LMF2: variants seen among roughly 807,000 people sequenced by gnomAD.
The protein encoded by LMF2 is transmembrane protein 112B.
Under a neutral mutation model 81.5 loss-of-function variants are expected in LMF2, and 113 were observed. The ratio of observed to expected loss-of-function variants is 1.39; its 90% CI spans 1.19 to 1.62. The LOEUF (loss-of-function observed/expected upper bound fraction) is 1.62. Ranked by LOEUF, LMF2 falls within the 40% of genes most tolerant of loss-of-function variation. The pLI is 0.00. For missense variants in LMF2, 1,235 were observed against 929.1 expected (o/e 1.33, Z -4.28); for synonymous variants, 645 against 424.5 (o/e 1.52, Z -6.39).
chr22:50,506,869 T>C lies in LMF2; in HGVS notation c.261A>G (p.Leu87=). 1 of 1,591,600 alleles carries C rather than the reference T, an allele frequency of 6.3e-7. No homozygotes were observed. The highest frequency in any genetic ancestry group is 8.6e-7 in the Non-Finnish European group (1 of 1,169,546). The change falls in exon 2 of 14, where the codon CTA becomes CTG. Residue 87 remains leucine, a synonymous_variant. Coordinates refer to ENST00000474879, the MANE Select transcript of LMF2 (RefSeq NM_033200.3). The part of the protein sequence containing the change: ...GLELLSLLGA[L]VALGALLLSP... ...TCAGCAGCAGGGCTCCCAGGGCCAC[T>C]AGTGCACCCAGCAGGCTCAGCAGCT...
Position 50,506,155 on chromosome 22 carries a change from G to C in LMF2, c.654C>G (p.His218Gln). ...GCTTGTGCAGCCAGACCGGCAGGTGGTGTGCGAACCAGGCGGCGGGCGTGG... is the reference window on the plus strand; with the variant it reads ...GCTTGTGCAGCCAGACCGGCAGGTGCTGTGCGAACCAGGCGGCGGGCGTGG... ...CLPTPAAWFAHHLPVWLHKLS... is the reference protein window; with the variant it reads ...CLPTPAAWFAQHLPVWLHKLS... Residue 218 changes from histidine (H) to glutamine (Q), a missense_variant, in exon 5 of 14, where the codon CAC becomes CAG. His to Gln is a conservative substitution (Grantham distance 24). Transcript: ENST00000474879. The C allele has an allele frequency of 6.4e-7, 1 of 1,569,584 alleles. No homozygotes were observed.
Position 50,504,906 on chromosome 22 carries a change from G to A in LMF2, c.1333C>T (p.His445Tyr), listed in dbSNP as rs1346678921. Reference protein sequence around the residue: ...GAHRLFGAVEHLQLANSYGLF... With the variant: ...GAHRLFGAVEYLQLANSYGLF... Reference sequence around the variant, plus strand: ...CCGTAGGAGTTGGCCAGCTGTAGGTGCTCCACGGCACCAAACAGGCGGTGG... The same window carrying A: ...CCGTAGGAGTTGGCCAGCTGTAGGTACTCCACGGCACCAAACAGGCGGTGG... Residue 445 changes from histidine (H) to tyrosine (Y), a missense_variant, in exon 10 of 14, where the codon CAC (histidine) becomes TAC (tyrosine). By Grantham distance (83) the His-to-Tyr change is moderately conservative. Coordinates refer to ENST00000474879, the MANE Select transcript of LMF2 (RefSeq NM_033200.3). The A allele has an allele frequency of 3.1e-6, 5 of 1,608,748 alleles. No homozygotes were observed. Among genetic ancestry groups the A allele is most frequent in the Non-Finnish European group, 4.2e-6 (5 of 1,177,938 alleles).
At position 50,505,073 on chromosome 22, in the gene LMF2, A is replaced by G. The variant is rs763921741; in HGVS notation, c.1238T>C (p.Leu413Ser). The change falls in exon 9 of 14, where the codon TTG (leucine) becomes TCG (serine). Residue 413 changes from leucine to serine, a missense_variant. Leu to Ser is a moderately radical substitution (Grantham distance 145). Coordinates refer to ENST00000474879, the MANE Select transcript of LMF2 (RefSeq NM_033200.3). ...GCTACCCACCAGGCTAATCAGGAAC[A>G]AGGCCACGGTCGCAGTGCCCACAAG... ...LSLVGTATVA[L>S]FLISLVPYSY... The G allele has an allele frequency of 3.1e-6, 5 of 1,612,838 alleles. No homozygotes were observed. In the African/African-American group the frequency reaches 5.3e-5, roughly 17 times the overall value.
At position 50,504,870 on chromosome 22, in the gene LMF2, G is replaced by A. The variant is rs368281200; in HGVS notation, c.1369C>T (p.Arg457Cys). The A allele has an allele frequency of 2.7e-5, 43 of 1,611,022 alleles. No homozygotes were observed. The Middle Eastern group carries it at 9.9e-4, about 37-fold the overall frequency. ...GGCCGTCCACCAAGCCCAGTCATGC[G>A]GCGGAAGAGGCCGTAGGAGTTGGCC... ...QLANSYGLFRRMTGLGGRPEV... is the reference protein window; with the variant it reads ...QLANSYGLFRCMTGLGGRPEV... The change falls in exon 10 of 14, where the codon CGC becomes TGC. Residue 457 changes from arginine (R) to cysteine (C), a missense_variant. By Grantham distance (180) the Arg-to-Cys change is radical. Coordinates refer to ENST00000474879, the MANE Select transcript of LMF2 (RefSeq NM_033200.3).
Position 50,506,197 on chromosome 22 carries a change from G to C in LMF2, c.612C>G (p.Tyr204Ter). ...CGGGCGTGGGCAGGCACTGGGTCTC[G>C]TAGTGGTAGGTGAGGGCTGCAGGCG... is the stretch of plus-strand genomic sequence containing the variant. ...WWGLTALTYH[Y>*]ETQCLPTPAA... The change falls in exon 5 of 14, where the codon TAC becomes TAG. Residue 204 changes from tyrosine (Y) to a stop codon, truncating the protein, a stop_gained. Transcript: ENST00000474879. LOFTEE classifies it high-confidence loss of function. The C allele has an allele frequency of 1.3e-6, 2 of 1,557,654 alleles. No homozygotes were observed. Among genetic ancestry groups the C allele is most frequent in the Non-Finnish European group, 1.7e-6 (2 of 1,150,880 alleles).
At chr22:50,505,969 C>T (rs1192443458) in intron 5 of LMF2, 66 bp downstream of exon 5, 1 of 1,558,426 alleles carries the variant, frequency 6.4e-7, no homozygotes, top group African/African-American at 1.4e-5. Flanking sequence ...CCCAACAGGG[C>T]ACGCTGAGCA....
At chr22:50,506,004 C>G (rs1429377881) in intron 5 of LMF2, 31 bp downstream of exon 5, 1 of 1,568,788 alleles carries the variant, frequency 6.4e-7, no homozygotes, top group Non-Finnish European at 8.7e-7. Flanking sequence ...GCCCTGTCTG[C>G]CTCTCTCTGA....
chr22:50,505,360 C>T (rs2068531058), intron 7 of LMF2, 26 bp from the exon 8 acceptor site: 1 of 1,613,244 alleles, frequency 6.2e-7, no homozygotes, highest in Non-Finnish European at 8.5e-7. Context: ...GGTGTGAGGA[C>T]TGGTCCGCCC....
rs375333806 is a variant in LMF2, at chr22:50,506,248, C to T, written c.596-35G>A. The T allele has an allele frequency of 1.8e-4, 278 of 1,547,760 alleles. 1 individual carries two copies. In the African/African-American group the frequency reaches 2.4e-3, roughly 13 times the overall value. ...AGGGCAGGAGTCAGGGCTGGCCGAG[C>T]CCCCAGACTACCCCAGGTCCAGACC... On this transcript the variant is annotated intron_variant, in intron 4 of 13. Transcript: ENST00000474879.
intron 4 of LMF2, 36 bp from the exon 5 acceptor site, chr22:50,506,249 C>T (rs781546426): frequency 1.9e-6 from 3 of 1,547,652 alleles, no homozygotes; most frequent in South Asian, 2.4e-5. Flanking sequence ...CTGGCCGAGC[C>T]CCCAGACTAC....
chr22:50,507,450 C>T (rs1889405718), intron 1 of LMF2, 132 bp downstream of exon 1: 2 of 752,520 alleles, frequency 2.7e-6, no homozygotes, highest in African/African-American at 1.7e-5. Context: ...GGACACGAAC[C>T]GCCGCCCCCT....
Position 50,506,019 on chromosome 22 carries a change from T to G in LMF2, c.774+16A>C, listed in dbSNP as rs1603439438. 1.3e-6 allele frequency: 2 copies of G among 1,574,454 alleles called. No individual in the cohort carries two copies. The highest frequency in any genetic ancestry group is 1.7e-6 in the Non-Finnish European group (2 of 1,159,566). On this transcript the variant is annotated intron_variant, in intron 5 of 13. Coordinates refer to ENST00000474879, the MANE Select transcript of LMF2 (RefSeq NM_033200.3). The stretch of plus-strand genomic sequence containing the variant: ...GCCCTGTCTGCCTCTCTCTGACAGC[T>G]GCGGCCCTCACCCACCTGCGAGTAG...
At position 50,505,946 on chromosome 22, in the gene LMF2, G is replaced by C; in HGVS notation, c.774+89C>G. The C allele has an allele frequency of 1.9e-6, 3 of 1,560,872 alleles. No homozygotes were observed. In the African/African-American group the frequency reaches 4.0e-5, roughly 21 times the overall value. On this transcript the variant is annotated intron_variant, in intron 5 of 13. Coordinates refer to ENST00000474879, the MANE Select transcript of LMF2 (RefSeq NM_033200.3). The stretch of plus-strand genomic sequence containing the variant: ...AACAGCGGTTGCCAGCTGTCCCCGG[G>C]AGCCACGCTGTCCCCAACAGGGCAC...
chr22:50,507,365 C>T (rs948141980), intron 1 of LMF2: 3 of 610,906 alleles, frequency 4.9e-6, no homozygotes, highest in Non-Finnish European at 8.7e-6. Context: ...GTTCTGTCCC[C>T]CACCCCAGGT....
In LMF2 at chr22:50,503,712, G is replaced by A; in HGVS notation, c.1816-13C>T. On this transcript the variant is annotated splice_polypyrimidine_tract_variant and intron_variant, in intron 13 of 13. Coordinates refer to ENST00000474879, the MANE Select transcript of LMF2 (RefSeq NM_033200.3). ...GTGGGCTTTTCTCCTGTGGGAGGGA[G>A]GGAGGGAGGGAGGTTGGGGAAGTGC... 4 of 1,574,380 alleles carry A rather than the reference G, an allele frequency of 2.5e-6. No homozygotes were observed. The highest frequency in any genetic ancestry group is 3.4e-6 in the Non-Finnish European group (4 of 1,160,330).
Position 50,503,494 on chromosome 22 carries a change from C to T in LMF2, c.2021G>A (p.Arg674His), listed in dbSNP as rs767504721. Residue 674 changes from arginine to histidine, a missense_variant, in exon 14 of 14, where the codon CGC (arginine) becomes CAC (histidine). Transcript: ENST00000474879. Reference sequence around the variant, plus strand: ...GGAGTCTTTCTGGGAGGCTGGCCTGCGCTTCTCCCCGCTGACTGGTGCCAG... The same window carrying T: ...GGAGTCTTTCTGGGAGGCTGGCCTGTGCTTCTCCCCGCTGACTGGTGCCAG... ...SPLAPVSGEKRRPASQKDSGA... is the reference protein window; with the variant it reads ...SPLAPVSGEKHRPASQKDSGA... 45 of 1,585,398 alleles carry T rather than the reference C, an allele frequency of 2.8e-5. No individual in the cohort carries two copies. The highest frequency in any genetic ancestry group is 7.7e-5 in the Admixed American group (4 of 51,980).
rs890670063 is a variant in LMF2 at position 50,503,076 on chromosome 22, C to G, written c.*315G>C. The G allele has an allele frequency of 2.9e-6, 1 of 345,698 alleles. No individual in the cohort carries two copies. Among genetic ancestry groups the G allele is most frequent in the Non-Finnish European group, 5.3e-6 (1 of 190,020 alleles). The allele number at this position is 345,698 out of a possible 1,614,324, so 21.4% of individuals were successfully genotyped here. ...GGAGTCAGCCTCTTCCCCTCTGGCA[C>G]GGGGCCTAGGGTTGGGGGCTCTAGA... On this transcript the variant is annotated 3_prime_UTR_variant, in exon 14 of 14. Coordinates refer to ENST00000474879, the MANE Select transcript of LMF2 (RefSeq NM_033200.3).
chr22:50,507,164 T>C (rs1254796340), intron 1 of LMF2, 129 bp from the exon 2 acceptor site: 10 of 1,405,836 alleles, frequency 7.1e-6, no homozygotes, highest in Non-Finnish European at 9.4e-6. Flanking sequence ...GGTCAGAGTC[T>C]GCAGTCCCTC....
In LMF2 at chr22:50,504,828, C is replaced by T. The variant is rs1300337509; in HGVS notation, c.1411G>A (p.Gly471Ser). ...GTCCAGTGGTGGCCGTCGTAACTGC[C>T]CTCCAGCACCACCTCAGGCCGTCCA... ...LGGRPEVVLE[G>S]SYDGHHWTEI... Residue 471 changes from glycine (G) to serine (S), a missense_variant, in exon 10 of 14, where the codon GGC (glycine) becomes AGC (serine). Physicochemically the swap from Gly to Ser is moderately conservative, Grantham distance 56. Coordinates refer to ENST00000474879, the MANE Select transcript of LMF2 (RefSeq NM_033200.3). 1.9e-6 allele frequency: 3 copies of T among 1,607,934 alleles called. No homozygotes were observed. Among genetic ancestry groups the T allele is most frequent in the Admixed American group, 3.3e-5 (2 of 59,834 alleles).
Sources: allele counts gnomAD v4.1 joint callset, GRCh38; gene constraint gnomAD v4.1.1; transcripts MANE v1.5; gene names NCBI Gene and HGNC (gene_info 2026-07-23, HGNC 2026-07-21).